The following ARMC9 variants were observed in gnomAD, a reference collection of about 807,000 sequenced individuals.
ARMC9 encodes the protein armadillo repeat containing 9, also known as lisH domain-containing protein ARMC9.
Under a neutral mutation model 107.0 loss-of-function variants are expected in ARMC9, and 94 were observed. The observed-to-expected ratio is 0.88, with a 90% CI of 0.74 to 1.04. The LOEUF (loss-of-function observed/expected upper bound fraction) is 1.04, where lower values mean the gene tolerates loss of function less well. Ranked by LOEUF, ARMC9 falls within the 50% of genes least tolerant of loss-of-function variation. The pLI is 0.00. For missense variants in ARMC9, 942 were observed against 1,030.1 expected, an observed-to-expected ratio of 0.91 and a Z score of 1.17; for synonymous variants, 380 against 396.9, an observed-to-expected ratio of 0.96 and a Z score of 0.51.
intron 19 of ARMC9, 64 bp downstream of exon 19, chr2:231,296,317 T>G: frequency 7.4e-7 from 1 of 1,352,362 alleles, no homozygotes; most frequent in Non-Finnish European, 1.0e-6. Flanking sequence ...CTTTCCTGCC[T>G]TGACAAGTTA....
rs117192998 is a variant in ARMC9 at position 231,327,323 on chromosome 2, G to A, written c.1774-4470G>A. 5.3e-4 allele frequency among the ~76,000 whole-genome samples: 80 copies of A among 152,226 alleles called. 4 individuals are homozygous for A. The East Asian group carries it at 0.015, about 29-fold the overall frequency. ...CATCACTCAAGGATCCCTCATAGAA[G>A]GATCCCTTTTACAGCCACCGCCATT... On this transcript the variant is annotated intron_variant, in intron 19 of 24. Coordinates refer to ENST00000611582, the MANE Select transcript of ARMC9 (RefSeq NM_001352754.2).
intron 23 of ARMC9, among the ~76,000 whole-genome samples, chr2:231,365,199 TAGGGG>T (rs1217059902): frequency 6.6e-6 from 1 of 152,030 alleles, no homozygotes; most frequent in Non-Finnish European, 1.5e-5. Context: ...ACCTATGACA[TAGGGG>T]AAGTCACGTG....
At chr2:231,257,105 G>A (rs952760749) in intron 10 of ARMC9, among the ~76,000 whole-genome samples, 23 of 152,198 alleles carry the variant, frequency 1.5e-4, no homozygotes, top group Admixed American at 1.3e-3. Flanking sequence ...GTGAGCCACC[G>A]CGCCTGGCCA....
At chr2:231,228,054 C>T (rs2034823867) in intron 7 of ARMC9, among the ~76,000 whole-genome samples, 1 of 152,206 alleles carries the variant, frequency 6.6e-6, no homozygotes, top group Non-Finnish European at 1.5e-5. Flanking sequence ...TCCCAGCCTG[C>T]ATCCTCAGCT....
At chr2:231,327,063 A>AATACTTAATTTCTGTAAGTATT (rs2043373569) in intron 19 of ARMC9, among the ~76,000 whole-genome samples, 1 of 152,110 alleles carries the variant, frequency 6.6e-6, no homozygotes, top group Non-Finnish European at 1.5e-5. Context: ...CATAGCCAGC[A>AATACTTAATTTCTGTAAGTATT]GCTTCCCTCT....
chr2:231,265,214 A>G (rs1171007559), intron 12 of ARMC9, among the ~76,000 whole-genome samples: 1 of 152,218 alleles, frequency 6.6e-6, no homozygotes, highest in African/African-American at 2.4e-5. Flanking sequence ...AAAGAACTCA[A>G]TGTAGAACTA....
At chr2:231,245,311 G>C (rs1449641313) in intron 9 of ARMC9, among the ~76,000 whole-genome samples, 1 of 152,212 alleles carries the variant, frequency 6.6e-6, no homozygotes, top group Non-Finnish European at 1.5e-5. Context: ...ACAAGAGGCT[G>C]AGTTTTTTGT....
chr2:231,336,002 C>T lies in ARMC9; in HGVS notation c.1878+4105C>T, dbSNP rs190793270. On this transcript the variant is annotated intron_variant, in intron 20 of 24. Coordinates refer to ENST00000611582, the MANE Select transcript of ARMC9 (RefSeq NM_001352754.2). ...GCTGAGGTGGGAGGATCACCTGAGC[C>T]CAGGAGATGGAGGCTTCAGGGAGCT... 1.7e-4 allele frequency among the ~76,000 whole-genome samples: 26 copies of T among 151,958 alleles called. No individual in the cohort carries two copies. In the East Asian group the frequency reaches 4.8e-3, roughly 28 times the overall value.
intron 18 of ARMC9, among the ~76,000 whole-genome samples, chr2:231,292,308 G>T (rs1016168841): frequency 2.0e-5 from 3 of 152,052 alleles, no homozygotes; most frequent in African/African-American, 7.2e-5. Flanking sequence ...AACCTTGTAA[G>T]TTCTCTTTAT....
chr2:231,224,800 C>A lies in ARMC9; in HGVS notation c.598-1974C>A, dbSNP rs149897277. On this transcript the variant is annotated intron_variant, in intron 6 of 24. Transcript: ENST00000611582. The stretch of plus-strand genomic sequence containing the variant: ...AAAGGCCAAGATGTAATTCTCTTAG[C>A]CAAACTGGAGCTTTGAACAATAAAA... Among the ~76,000 whole-genome samples the A allele has an allele frequency of 7.4e-3, 1,132 of 152,218 alleles. 11 individuals carry two copies. The highest frequency in any genetic ancestry group is 9.5e-3 in the Non-Finnish European group (648 of 68,020).
At chr2:231,250,348 G>A (rs574602042) in intron 9 of ARMC9, among the ~76,000 whole-genome samples, 13 of 152,198 alleles carry the variant, frequency 8.5e-5, no homozygotes, top group African/African-American at 1.9e-4. Flanking sequence ...ATTCTTGGCC[G>A]TCCTCCATTA....
intron 14 of ARMC9, among the ~76,000 whole-genome samples, chr2:231,275,382 A>G (rs1318521523): frequency 6.6e-6 from 1 of 152,178 alleles, no homozygotes; most frequent in African/African-American, 2.4e-5. Context: ...GGCATCTCAT[A>G]ATGATACCAC....
chr2:231,329,497 T>C (rs2043574137), intron 19 of ARMC9, among the ~76,000 whole-genome samples: 1 of 152,022 alleles, frequency 6.6e-6, no homozygotes. Flanking sequence ...TTAGTAGAGA[T>C]GGGTTTTCAC....
chr2:231,338,535 C>CTTTT (rs764466867), intron 20 of ARMC9, among the ~76,000 whole-genome samples: 15 of 104,826 alleles, frequency 1.4e-4, no homozygotes, highest in East Asian at 2.6e-4. Flanking sequence ...CCCCAATTCA[C>CTTTT]TTTTTTTTTT....
At chr2:231,354,292 A>G (rs1163352789) in intron 21 of ARMC9, among the ~76,000 whole-genome samples, 1 of 141,882 alleles carries the variant, frequency 7.0e-6, no homozygotes, top group African/African-American at 2.6e-5. Flanking sequence ...AAAAAGACTG[A>G]TTGCGCACCT....
chr2:231,231,995 C>T (rs2035272062), intron 7 of ARMC9, among the ~76,000 whole-genome samples: 1 of 148,044 alleles, frequency 6.8e-6, no homozygotes, highest in African/African-American at 2.5e-5. Flanking sequence ...GGCTGAAAAA[C>T]TGTAATAATA....
intron 21 of ARMC9, among the ~76,000 whole-genome samples, chr2:231,354,898 A>C (rs1364379197): frequency 1.3e-5 from 2 of 152,258 alleles, no homozygotes; most frequent in African/African-American, 4.8e-5. Context: ...TGTCCCAGCC[A>C]GCTGGCCCTT....
chr2:231,303,866 G>T (rs2041899315), intron 19 of ARMC9, among the ~76,000 whole-genome samples: 1 of 152,166 alleles, frequency 6.6e-6, no homozygotes, highest in Admixed American at 6.5e-5. Flanking sequence ...AACCTGGGAG[G>T]TGGAGGTTGC....
At chr2:231,291,289 C>T in intron 17 of ARMC9, 64 bp from the exon 18 acceptor site, 2 of 1,328,374 alleles carry the variant, frequency 1.5e-6, no homozygotes, top group South Asian at 2.4e-5. Flanking sequence ...GAGATGACCT[C>T]ATTGAAAAGT....
Sources: gnomAD v4.1 joint callset for allele counts (sites outside exome capture counted in the v4.1 genomes callset) on GRCh38, gnomAD v4.1.1 for gene constraint, MANE v1.5 for transcripts, NCBI Gene and HGNC (gene_info 2026-07-23, HGNC 2026-07-21) for gene names.